Variants in MMP2 observed in about 807,000 individuals in gnomAD.
MMP2 encodes the protein matrix metallopeptidase 2, also known as 72 kDa type IV collagenase.
In MMP2, 39 loss-of-function variants were observed where a neutral mutation model predicts 74.8. The observed-to-expected ratio is 0.52, with a 90% CI of 0.40 to 0.68. The LOEUF (loss-of-function observed/expected upper bound fraction) is 0.68, where lower values mean the gene tolerates loss of function less well. Ranked by LOEUF, MMP2 falls within the 30% of genes least tolerant of loss-of-function variation. MMP2 has a pLI of 0.00. For synonymous variants in MMP2, 367 were observed against 339.8 expected, an observed-to-expected ratio of 1.08 and a Z score of -0.88; for missense variants, 803 against 878.3, an observed-to-expected ratio of 0.91 and a Z score of 1.08.
In MMP2 at chr16:55,488,487, C is replaced by T. The variant is rs1962312948; in HGVS notation, c.833-56C>T. 4 of 1,567,558 alleles carry T rather than the reference C, an allele frequency of 2.6e-6. No homozygotes were observed. In the Admixed American group the frequency reaches 5.2e-5, roughly 20 times the overall value. On this transcript the variant is annotated intron_variant, in intron 5 of 12. Transcript: ENST00000219070. The stretch of plus-strand genomic sequence containing the variant: ...CCGGCAGGTGGGCAGCCAGCCAGCC[C>T]TGTGCCCATGGAAGCATGTCTCATT...
chr16:55,502,661 G>T, intron 11 of MMP2, 118 bp from the exon 12 acceptor site: 2 of 857,262 alleles, frequency 2.3e-6, no homozygotes, highest in South Asian at 2.8e-5. Context: ...TCCCTGAAGG[G>T]CTAGGTCCAG....
At position 55,484,127 on chromosome 16, in the gene MMP2, T is replaced by C. The variant is rs774887840; in HGVS notation, c.492T>C (p.Asp164=). 1 of 1,614,076 alleles carries C rather than the reference T, an allele frequency of 6.2e-7. No individual in the cohort carries two copies. The highest frequency in any genetic ancestry group is 1.7e-5 in the Admixed American group (1 of 60,014). ...CACTGCGGTTTTCTCGAATCCATGATGGAGAGGCAGACATCATGATCAACT... is the reference window on the plus strand; with the variant it reads ...CACTGCGGTTTTCTCGAATCCATGACGGAGAGGCAGACATCATGATCAACT... ...VTPLRFSRIH[D]GEADIMINFG... Residue 164 remains aspartate, a synonymous_variant, in exon 3 of 13, where the codon GAT becomes GAC. Coordinates refer to ENST00000219070, the MANE Select transcript of MMP2 (RefSeq NM_004530.6).
Position 55,497,088 on chromosome 16 carries a change from C to T in MMP2, c.1609+26C>T, listed in dbSNP as rs17859974. ...GTGTGTGGGAAGCACCCTTCCTTGGCCCTCAGCTCCACAGGGCTCTGCACC... is the reference window on the plus strand; with the variant it reads ...GTGTGTGGGAAGCACCCTTCCTTGGTCCTCAGCTCCACAGGGCTCTGCACC... On this transcript the variant is annotated intron_variant, in intron 10 of 12. Transcript: ENST00000219070. 9.2e-3 allele frequency: 14,857 copies of T among 1,613,650 alleles called. 185 individuals are homozygous for T. The highest frequency in any genetic ancestry group is 0.055 in the African/African-American group (4,118 of 75,030).
Position 55,485,770 on chromosome 16 carries a change from C to G in MMP2, c.825C>G (p.Pro275=). The G allele has an allele frequency of 6.2e-7, 1 of 1,613,624 alleles. No individual in the cohort carries two copies. The highest frequency in any genetic ancestry group is 8.5e-7 in the Non-Finnish European group (1 of 1,180,020). Residue 275 remains proline, a synonymous_variant, in exon 5 of 13, where the codon CCC becomes CCG. Transcript: ENST00000219070. ...FEKDGKYGFC[P]HEALFTMGGN... ...AGGATGGCAAGTACGGCTTCTGTCC[C>G]CATGAAGGTGAGCATCCACTCTAGT...
intron 7 of MMP2, 26 bp downstream of exon 7, chr16:55,489,850 A>T (rs1314162963): frequency 3.1e-6 from 5 of 1,611,946 alleles, no homozygotes; most frequent in Non-Finnish European, 4.2e-6. Flanking sequence ...CATTGGACAG[A>T]GACCCTGGAC....
Position 55,491,807 on chromosome 16 carries a change from G to A in MMP2, c.1187G>A (p.Ser396Asn). 2 of 1,614,218 alleles carry A rather than the reference G, an allele frequency of 1.2e-6. No individual in the cohort carries two copies. The highest frequency in any genetic ancestry group is 1.7e-6 in the Non-Finnish European group (2 of 1,180,038). The change falls in exon 8 of 13, where the codon AGC (serine) becomes AAC (asparagine). Residue 396 changes from serine (S) to asparagine (N), a missense_variant. Physicochemically the swap from Ser to Asn is conservative, Grantham distance 46. Transcript: ENST00000219070. ...TCCTCCCTGCAACCCTCAGGGTACA[G>A]CCTGTTCCTCGTGGCAGCCCACGAG... ...KWGFCPDQGY[S>N]LFLVAAHEFG... is the part of the protein sequence containing the mutation.
chr16:55,480,857 C>T (rs1962081962), intron 1 of MMP2, among the ~76,000 whole-genome samples: 1 of 152,132 alleles, frequency 6.6e-6, no homozygotes, highest in African/African-American at 2.4e-5. Context: ...AACCTCCATA[C>T]ATTTTTAGAG....
chr16:55,500,401 TA>T (rs1567381924), intron 11 of MMP2, among the ~76,000 whole-genome samples: 2 of 152,142 alleles, frequency 1.3e-5, no homozygotes, highest in African/African-American at 4.8e-5. Context: ...AAGAACTTTT[TA>T]AATCACTTTT....
At chr16:55,504,987 C>G (rs1259268796) in intron 12 of MMP2, among the ~76,000 whole-genome samples, 1 of 151,884 alleles carries the variant, frequency 6.6e-6, no homozygotes, top group Non-Finnish European at 1.5e-5. Context: ...GGGACAAGGT[C>G]TTGCTCTATC....
chr16:55,487,603 G>T, intron 5 of MMP2: 1 of 152,406 alleles, frequency 6.6e-6, no homozygotes. Flanking sequence ...AACGGGGGCT[G>T]GTGAGGTCAC....
At chr16:55,493,431 G>A in intron 9 of MMP2, 138 bp downstream of exon 9, 3 of 1,211,268 alleles carry the variant, frequency 2.5e-6, no homozygotes, top group Non-Finnish European at 3.6e-6. Flanking sequence ...TTTCTGCTGT[G>A]TATCAAACAA....
chr16:55,483,932 T>TAAAA (rs1962171554), intron 2 of MMP2, 84 bp from the exon 3 acceptor site: 1 of 1,480,118 alleles, frequency 6.8e-7, no homozygotes, highest in South Asian at 1.1e-5. Flanking sequence ...AACTTTTTCA[T>TAAAA]ACATCTGTGC....
intron 8 of MMP2, among the ~76,000 whole-genome samples, chr16:55,492,556 C>T (rs2142360206): frequency 6.6e-6 from 1 of 151,740 alleles, no homozygotes; most frequent in Non-Finnish European, 1.5e-5. Flanking sequence ...GATATCTGAG[C>T]CAGGCCAAAA....
intron 3 of MMP2, among the ~76,000 whole-genome samples, chr16:55,484,735 G>A (rs183277818): frequency 6.6e-6 from 1 of 152,192 alleles, no homozygotes; most frequent in Admixed American, 6.5e-5. Flanking sequence ...TGAGTTTATG[G>A]TGTGAACACT....
chr16:55,479,299 G>A lies in MMP2; in HGVS notation c.-181G>A. On this transcript the variant is annotated 5_prime_UTR_variant, in exon 1 of 13. Coordinates refer to ENST00000219070, the MANE Select transcript of MMP2 (RefSeq NM_004530.6). The stretch of plus-strand genomic sequence containing the variant: ...ACCTGCGGCGGCGGCGGCGGCGGCG[G>A]GGGCTGGGGCGCGGGGGCCGGACCA... 1.7e-6 allele frequency: 1 copy of A among 592,974 alleles called. No homozygotes were observed. The highest frequency in any genetic ancestry group is 2.4e-6 in the Non-Finnish European group (1 of 416,124). The allele number at this position is 592,974 out of a possible 1,614,324, so 36.7% of individuals were successfully genotyped here. A position where few individuals can be genotyped will look rare whatever the true frequency, so the allele number is the denominator to read the frequency against.
chr16:55,497,153 CCA>C, intron 10 of MMP2, 91 bp downstream of exon 10: 1 of 1,564,734 alleles, frequency 6.4e-7, no homozygotes, highest in African/African-American at 1.3e-5. Context: ...CCCTCTCAAA[CCA>C]CAGTTCCTAT....
chr16:55,497,156 C>G, intron 10 of MMP2, 94 bp downstream of exon 10: 1 of 1,544,182 alleles, frequency 6.5e-7, no homozygotes, highest in Non-Finnish European at 8.9e-7. Context: ...TCTCAAACCA[C>G]AGTTCCTATG....
At chr16:55,494,093 C>G (rs1962479812) in intron 9 of MMP2, among the ~76,000 whole-genome samples, 1 of 152,200 alleles carries the variant, frequency 6.6e-6, no homozygotes, top group Non-Finnish European at 1.5e-5. Flanking sequence ...ATCCATCCAG[C>G]CAGCCAGCCA....
intron 11 of MMP2, 132 bp downstream of exon 11, chr16:55,498,580 A>G (rs1353579284): frequency 8.6e-6 from 10 of 1,163,392 alleles, no homozygotes; most frequent in African/African-American, 1.5e-5. Context: ...CTGGTATCTA[A>G]CCTCTTTGGT....
Sources: allele counts gnomAD v4.1 joint callset (sites outside exome capture counted in the v4.1 genomes callset), GRCh38; gene constraint gnomAD v4.1.1; transcripts MANE v1.5; gene names NCBI Gene and HGNC (gene_info 2026-07-23, HGNC 2026-07-21).